The following CRAT variants were observed in gnomAD, a reference collection of about 807,000 sequenced individuals.
CRAT encodes the protein carnitine O-acetyltransferase, also known as carnitine acetylase.
CRAT carries 66 observed loss-of-function variants against 73.7 expected under a neutral mutation model. The observed-to-expected ratio is 0.90, with a 90% confidence interval of 0.73 to 1.10. CRAT has a LOEUF of 1.10. Among genes scored for constraint, CRAT ranks in the 50% least tolerant of loss-of-function variants. CRAT has a pLI of 0.00. For missense variants in CRAT, 745 were observed against 846.9 expected, an observed-to-expected ratio of 0.88 and a Z score of 1.49; for synonymous variants, 321 against 343.2, an observed-to-expected ratio of 0.94 and a Z score of 0.71.
chr9:129,097,463 CT>C, intron 11 of CRAT, 151 bp from the exon 12 acceptor site: 1 of 546,990 alleles, frequency 1.8e-6, no homozygotes, highest in Non-Finnish European at 3.1e-6. Context: ...AATCCCAGCA[CT>C]TTGGGAGGCC....
At chr9:129,097,966 G>A (rs1474362551) in intron 11 of CRAT, 47 bp downstream of exon 11, 4 of 1,599,218 alleles carry the variant, frequency 2.5e-6, no homozygotes, top group Admixed American at 1.7e-5. Flanking sequence ...TGAGCAGGAG[G>A]GAGGGGCTCA....
chr9:129,104,891 A>T (rs1266073955), intron 2 of CRAT, among the ~76,000 whole-genome samples: 1 of 137,048 alleles, frequency 7.3e-6, no homozygotes, highest in Non-Finnish European at 1.5e-5. Flanking sequence ...GGCATGAGCC[A>T]CTGTGCCCGG....
chr9:129,110,356 AC>A lies in CRAT; in HGVS notation c.27+126del, dbSNP rs1276873160. 8.0e-6 allele frequency: 8 copies of A among 997,644 alleles called. No individual in the cohort carries two copies. Among genetic ancestry groups the A allele is most frequent in the Non-Finnish European group, 1.1e-5 (8 of 719,404 alleles). 61.8% of individuals were successfully genotyped at this position (997,644 alleles called of 1,614,324 possible). ...CTGCCAAACCTGGGACGCCCGCCTGACCCCACCCCATCAGCTGGAGGCCGGG... is the reference window on the plus strand; with the variant it reads ...CTGCCAAACCTGGGACGCCCGCCTGACCCACCCCATCAGCTGGAGGCCGGG... On this transcript the variant is annotated intron_variant, in intron 1 of 13. Coordinates refer to ENST00000318080, the MANE Select transcript of CRAT (RefSeq NM_000755.5). This position sits in a 1 kb window ranked among gnomAD's most constrained non-coding sequence, Gnocchi z 5.3.
intron 8 of CRAT, among the ~76,000 whole-genome samples, 170 bp downstream of exon 8, chr9:129,099,696 A>G (rs1847536739): frequency 2.0e-5 from 3 of 151,954 alleles, no homozygotes. Context: ...TCAGCCTCCC[A>G]AAGTGTCAGG....
At position 129,107,759 on chromosome 9, in the gene CRAT, G is replaced by A. The variant is rs747124301; in HGVS notation, c.291+55C>T. The A allele has an allele frequency of 6.2e-7, 1 of 1,612,106 alleles. No homozygotes were observed. The highest frequency in any genetic ancestry group is 8.5e-7 in the Non-Finnish European group (1 of 1,179,222). ...GGCCGTGCCAGAGCAGTGGGCACTG[G>A]AGAACTGTGCATGTGCAGCCAGCAG... On this transcript the variant is annotated intron_variant, in intron 2 of 13. Transcript: ENST00000318080. This position sits in a 1 kb window ranked among gnomAD's most constrained non-coding sequence, Gnocchi z 5.0.
chr9:129,102,714 G>T, intron 4 of CRAT, 149 bp from the exon 5 acceptor site: 1 of 964,996 alleles, frequency 1.0e-6, no homozygotes, highest in Non-Finnish European at 1.6e-6. Context: ...GGGCTGTGCT[G>T]TGGGCAGGGG....
intron 4 of CRAT, among the ~76,000 whole-genome samples, 183 bp downstream of exon 4, chr9:129,102,829 TA>T (rs371447676): frequency 1.5e-3 from 230 of 152,182 alleles, no homozygotes; most frequent in South Asian, 4.4e-3. Context: ...AAGCAGCGAA[TA>T]AAACTCTGGG....
At chr9:129,099,275 T>C (rs1847504729) in intron 8 of CRAT, among the ~76,000 whole-genome samples, 1 of 151,886 alleles carries the variant, frequency 6.6e-6, no homozygotes, top group Non-Finnish European at 1.5e-5. Context: ...CCCAAGTAGC[T>C]GGGATTACAG....
chr9:129,103,106 C>A lies in CRAT; in HGVS notation c.411-40G>T. On this transcript the variant is annotated intron_variant, in intron 3 of 13. Transcript: ENST00000318080. The surrounding 1 kb of genome is among the most constrained non-coding windows in gnomAD (Gnocchi z 4.6). ...TAGAGATTAGAAGCTGCGTGGACAC[C>A]CTGAGGGAGGCCCCGGGCTAGGGAC... The A allele has an allele frequency of 6.3e-7, 1 of 1,585,188 alleles. No individual in the cohort carries two copies. The highest frequency in any genetic ancestry group is 8.7e-7 in the Non-Finnish European group (1 of 1,153,884).
In CRAT at chr9:129,095,236, G is replaced by T; in HGVS notation, c.*161C>A. 1.3e-6 allele frequency: 1 copy of T among 773,230 alleles called. No homozygotes were observed. Among genetic ancestry groups the T allele is most frequent in the South Asian group, 1.8e-5 (1 of 54,618 alleles). The allele number at this position is 773,230 out of a possible 1,614,324, so 47.9% of individuals were successfully genotyped here. On this transcript the variant is annotated 3_prime_UTR_variant, in exon 14 of 14. Coordinates refer to ENST00000318080, the MANE Select transcript of CRAT (RefSeq NM_000755.5). Reference sequence around the variant, plus strand: ...GACCCACGGAAGGCACTTGGCTGGGGCCTGCAGGCCCCCTGGAGGATGCGG... The same window carrying T: ...GACCCACGGAAGGCACTTGGCTGGGTCCTGCAGGCCCCCTGGAGGATGCGG...
chr9:129,110,693 G>T lies in CRAT; in HGVS notation c.-184C>A. 1 of 777,584 alleles carries T rather than the reference G, an allele frequency of 1.3e-6. No homozygotes were observed. The highest frequency in any genetic ancestry group is 1.9e-6 in the Non-Finnish European group (1 of 530,464). 48.2% of individuals were successfully genotyped at this position (777,584 alleles called of 1,614,324 possible). A position where few individuals can be genotyped will look rare whatever the true frequency, so the allele number is the denominator to read the frequency against. On this transcript the variant is annotated 5_prime_UTR_variant, in exon 1 of 14. Transcript: ENST00000318080. The surrounding 1 kb of genome is among the most constrained non-coding windows in gnomAD (Gnocchi z 5.3). ...CCACCCTCTGGGCCGAGCGGGCTGC[G>T]GGAAGGCACCCGGGGAGGAGGACTC...
intron 7 of CRAT, 108 bp downstream of exon 7, chr9:129,100,403 A>T: frequency 7.6e-7 from 1 of 1,319,038 alleles, no homozygotes; most frequent in Non-Finnish European, 1.0e-6. Context: ...TGCCTGCTTT[A>T]CAAGCTAGGA....
At chr9:129,104,363 TC>T in intron 2 of CRAT, 57 bp from the exon 3 acceptor site, 2 of 1,397,628 alleles carry the variant, frequency 1.4e-6, no homozygotes, top group Non-Finnish European at 2.0e-6. Context: ...TGCCCCCTGT[TC>T]CCCAGGGCTA....
chr9:129,100,122 G>C (rs964974216), intron 7 of CRAT, 156 bp from the exon 8 acceptor site: 16 of 605,528 alleles, frequency 2.6e-5, no homozygotes, highest in Admixed American at 2.3e-4. Context: ...CACTCACCAG[G>C]TGCCCTGGTG....
chr9:129,110,430 A>G lies in CRAT; in HGVS notation c.27+53T>C. The G allele has an allele frequency of 6.6e-7, 1 of 1,512,184 alleles. No individual in the cohort carries two copies. Among genetic ancestry groups the G allele is most frequent in the Non-Finnish European group, 8.8e-7 (1 of 1,137,338 alleles). 93.7% of individuals were successfully genotyped at this position (1,512,184 alleles called of 1,614,324 possible). ...GGTCTCCGTTCCCGGACGCAACCGC[A>G]CGGCCCGCCCAGGCCGTCCAGGGCC... On this transcript the variant is annotated intron_variant, in intron 1 of 13. Transcript: ENST00000318080. The surrounding 1 kb of genome is among the most constrained non-coding windows in gnomAD (Gnocchi z 5.3).
chr9:129,100,762 C>T (rs1847623783), intron 6 of CRAT, 73 bp from the exon 7 acceptor site: 1 of 1,509,412 alleles, frequency 6.6e-7, no homozygotes, highest in African/African-American at 1.4e-5. Flanking sequence ...AGCCCCTCCG[C>T]AGCCTCCTGC....
chr9:129,106,069 G>T lies in CRAT; in HGVS notation c.291+1745C>A, dbSNP rs1204842204. 6.6e-6 allele frequency among the ~76,000 whole-genome samples: 1 copy of T among 152,168 alleles called. No homozygotes were observed. Among genetic ancestry groups the T allele is most frequent in the Non-Finnish European group, 1.5e-5 (1 of 68,034 alleles). ...CTCAACCCGTGGTGAACAGCAGCAGGATGCGCCTCTTCATCACACGCACTC... is the reference window on the plus strand; with the variant it reads ...CTCAACCCGTGGTGAACAGCAGCAGTATGCGCCTCTTCATCACACGCACTC... On this transcript the variant is annotated intron_variant, in intron 2 of 13. Transcript: ENST00000318080. This position sits in a 1 kb window ranked among gnomAD's most constrained non-coding sequence, Gnocchi z 4.0.
rs1469269114 is a variant in CRAT at position 129,110,560 on chromosome 9, C to G, written c.-51G>C. Reference sequence around the variant, plus strand: ...AGTCCGCTCCGCCCCACACACCGGGCAAAGTCCGCGCCGCCGCCGCCGCGG... The same window carrying G: ...AGTCCGCTCCGCCCCACACACCGGGGAAAGTCCGCGCCGCCGCCGCCGCGG... On this transcript the variant is annotated 5_prime_UTR_variant, in exon 1 of 14. Transcript: ENST00000318080. The surrounding 1 kb of genome is among the most constrained non-coding windows in gnomAD (Gnocchi z 5.3). 1 of 1,534,716 alleles carries G rather than the reference C, an allele frequency of 6.5e-7. No homozygotes were observed.
At chr9:129,105,126 C>G (rs1477316041) in intron 2 of CRAT, among the ~76,000 whole-genome samples, 1 of 151,416 alleles carries the variant, frequency 6.6e-6, no homozygotes, top group Non-Finnish European at 1.5e-5. Context: ...AGGATGGTCT[C>G]GATCTCCTGA....
Sources: allele counts gnomAD v4.1 joint callset (sites outside exome capture counted in the v4.1 genomes callset), GRCh38; gene constraint gnomAD v4.1.1; non-coding constraint Gnocchi (gnomAD v3.1); transcripts MANE v1.5; gene names NCBI Gene and HGNC (gene_info 2026-07-23, HGNC 2026-07-21).